Variants in ATRNL1 observed in about 807,000 individuals in gnomAD.
ATRNL1 encodes attractin like 1.
ATRNL1 carries 95 observed loss-of-function variants against 182.7 expected under a neutral mutation model. The ratio of observed to expected loss-of-function variants is 0.52; its 90% CI spans 0.44 to 0.62. The LOEUF is 0.62. Ranked by LOEUF, ATRNL1 falls within the 20% of genes least tolerant of loss-of-function variation. ATRNL1 has a pLI of 0.00. For missense variants in ATRNL1, 1,471 were observed against 1,679.5 expected, an observed-to-expected ratio of 0.88 and a Z score of 2.17; for synonymous variants, 576 against 568.3, an observed-to-expected ratio of 1.01 and a Z score of -0.19.
At chr10:115,173,820 A>G (rs1270233109) in intron 8 of ATRNL1, among the ~76,000 whole-genome samples, 3 of 147,674 alleles carry the variant, frequency 2.0e-5, no homozygotes, top group African/African-American at 5.0e-5. Flanking sequence ...CTTTATTGTT[A>G]TTATTGTTTA....
intron 26 of ATRNL1, among the ~76,000 whole-genome samples, chr10:115,674,770 A>G (rs917150231): frequency 1.3e-5 from 2 of 152,080 alleles, no homozygotes; most frequent in African/African-American, 2.4e-5. Flanking sequence ...ACCACACCAC[A>G]TCTCACTTTT....
At position 115,725,702 on chromosome 10, in the gene ATRNL1, A is replaced by G. The variant is rs192470361; in HGVS notation, c.3796-1546A>G. Among the ~76,000 whole-genome samples the G allele has an allele frequency of 3.3e-5, 5 of 151,508 alleles. No homozygotes were observed. In the East Asian group the frequency reaches 9.8e-4, roughly 30 times the overall value. Reference sequence around the variant, plus strand: ...GCATGTTGGTGTGTGTGTTTTTACCAAAGACGAAGAACCTGGTGTCTTCTG... The same window carrying G: ...GCATGTTGGTGTGTGTGTTTTTACCGAAGACGAAGAACCTGGTGTCTTCTG... On this transcript the variant is annotated intron_variant, in intron 26 of 28. Coordinates refer to ENST00000355044, the MANE Select transcript of ATRNL1 (RefSeq NM_207303.4).
chr10:115,744,826 T>C (rs1555068728), intron 27 of ATRNL1, among the ~76,000 whole-genome samples: 1 of 152,176 alleles, frequency 6.6e-6, no homozygotes, highest in Non-Finnish European at 1.5e-5. Context: ...GAGGGCAATA[T>C]AGTTATAACA....
At chr10:115,843,555 C>G (rs1199892390) in intron 27 of ATRNL1, among the ~76,000 whole-genome samples, 1 of 151,996 alleles carries the variant, frequency 6.6e-6, no homozygotes, top group Non-Finnish European at 1.5e-5. Context: ...ATGCCTTAGA[C>G]AGTAGGAAGA....
At chr10:115,562,455 G>A (rs879995353) in intron 26 of ATRNL1, among the ~76,000 whole-genome samples, 3 of 152,104 alleles carry the variant, frequency 2.0e-5, no homozygotes, top group South Asian at 2.1e-4. Flanking sequence ...TGCTCTAAAT[G>A]GGTGATTTAC....
intron 19 of ATRNL1, among the ~76,000 whole-genome samples, chr10:115,356,886 G>A (rs1420368314): frequency 6.6e-6 from 1 of 151,794 alleles, no homozygotes; most frequent in African/African-American, 2.4e-5. Context: ...TTCTTTTCAG[G>A]AACAAGTGGA....
chr10:115,198,627 T>A (rs1003024453), intron 8 of ATRNL1, among the ~76,000 whole-genome samples: 1 of 152,166 alleles, frequency 6.6e-6, no homozygotes, highest in African/African-American at 2.4e-5. Context: ...TCTAGTAGTT[T>A]TACCATTTCG....
chr10:115,542,023 A>T (rs1852387245), intron 25 of ATRNL1, among the ~76,000 whole-genome samples: 1 of 152,172 alleles, frequency 6.6e-6, no homozygotes, highest in Non-Finnish European at 1.5e-5. Flanking sequence ...AAAAACATTT[A>T]ATGTAGGAAG....
intron 27 of ATRNL1, among the ~76,000 whole-genome samples, chr10:115,754,440 C>T (rs3095133): frequency 0.95 from 144,599 of 152,224 alleles, 69,101 homozygotes; most frequent in East Asian, 1. Flanking sequence ...ATCCTTTCCC[C>T]ACTTCTTGTT....
At chr10:115,289,865 G>C (rs1212133214) in intron 15 of ATRNL1, among the ~76,000 whole-genome samples, 1 of 152,034 alleles carries the variant, frequency 6.6e-6, no homozygotes, top group Non-Finnish European at 1.5e-5. Context: ...TGGCTATTAG[G>C]GCTCTTTTTT....
chr10:115,196,165 CTGAATGAA>C lies in ATRNL1; in HGVS notation c.1349-19514_1349-19507del, dbSNP rs148624774. ...TTTAGAGACAGGCAAAACCCTGTGCCTGAATGAATGAATGAATGAATGAATAAATATCC... is the reference window on the plus strand; with the variant it reads ...TTTAGAGACAGGCAAAACCCTGTGCCTGAATGAATGAATGAATAAATATCC... On this transcript the variant is annotated intron_variant, in intron 8 of 28. Coordinates refer to ENST00000355044, the MANE Select transcript of ATRNL1 (RefSeq NM_207303.4). Among the ~76,000 whole-genome samples the C allele has an allele frequency of 8.5e-3, 1,297 of 151,846 alleles. 17 individuals carry two copies. Among genetic ancestry groups the C allele is most frequent in the African/African-American group, 0.028 (1,152 of 41,320 alleles).
intron 15 of ATRNL1, among the ~76,000 whole-genome samples, chr10:115,287,178 G>A (rs1306857543): frequency 6.6e-6 from 1 of 151,906 alleles, no homozygotes; most frequent in Non-Finnish European, 1.5e-5. Flanking sequence ...ATAAAATCTG[G>A]ACATATGCTT....
chr10:115,214,041 TACACACACACAC>T (rs149167399), intron 8 of ATRNL1, among the ~76,000 whole-genome samples: 1 of 147,088 alleles, frequency 6.8e-6, no homozygotes, highest in South Asian at 2.2e-4. Context: ...TACAAATATG[TACACACACACAC>T]ACACACACAC....
Position 115,093,669 on chromosome 10 carries a change from T to G in ATRNL1, c.-82T>G. 7.1e-7 allele frequency: 1 copy of G among 1,401,920 alleles called. No homozygotes were observed. Among genetic ancestry groups the G allele is most frequent in the Non-Finnish European group, 9.6e-7 (1 of 1,045,934 alleles). The allele number at this position is 1,401,920 out of a possible 1,614,324, so 86.8% of individuals were successfully genotyped here. A position where few individuals can be genotyped will look rare whatever the true frequency, so the allele number is the denominator to read the frequency against. ...GGAGGAGAAGCGGCGGCGGAGAGGT[T>G]TTCTGCGGCCGGAATTCCCTTCAAC... On this transcript the variant is annotated 5_prime_UTR_variant, in exon 1 of 29. Coordinates refer to ENST00000355044, the MANE Select transcript of ATRNL1 (RefSeq NM_207303.4). This position sits in a 1 kb window ranked among gnomAD's most constrained non-coding sequence, Gnocchi z 6.1.
At chr10:115,757,300 T>A (rs1948615805) in intron 27 of ATRNL1, among the ~76,000 whole-genome samples, 8 of 152,180 alleles carry the variant, frequency 5.3e-5, no homozygotes, top group Admixed American at 5.2e-4. Flanking sequence ...CTGGTACCAG[T>A]TGTTTCTTTC....
rs1554866121 is a variant in ATRNL1, at chr10:115,106,879, A to T, written c.293+12836A>T. ...ACTTGGTAATTTATAATGAATAGAG[A>T]TATATTGGCTCATGATTCTGGAGGC... On this transcript the variant is annotated intron_variant, in intron 1 of 28. Transcript: ENST00000355044. Among the ~76,000 whole-genome samples the T allele has an allele frequency of 3.9e-5, 6 of 152,226 alleles. No homozygotes were observed. In the South Asian group the frequency reaches 1.2e-3, roughly 32 times the overall value.
chr10:115,461,572 A>G (rs1434419070), intron 21 of ATRNL1, among the ~76,000 whole-genome samples: 1 of 152,130 alleles, frequency 6.6e-6, no homozygotes, highest in Admixed American at 6.5e-5. Context: ...TTACAGCTAC[A>G]GAATTCTAAC....
intron 19 of ATRNL1, among the ~76,000 whole-genome samples, chr10:115,361,779 T>C (rs114435110): frequency 0.013 from 1,955 of 152,154 alleles, 36 homozygotes; most frequent in African/African-American, 0.044. Flanking sequence ...TATAGCACTC[T>C]TGGCCCTTTG....
chr10:115,906,926 T>TGAATATCCCTTATCAAGGAATTCAAA (rs370977372), intron 28 of ATRNL1, among the ~76,000 whole-genome samples: 20,813 of 152,252 alleles, frequency 0.14, 4,390 homozygotes, highest in African/African-American at 0.45. Context: ...TGGTACAGGT[T>TGAATATCCCTTATCAAGGAATTCAAA]ATCCGAAATG....
Sources: allele counts gnomAD v4.1 joint callset (sites outside exome capture counted in the v4.1 genomes callset), GRCh38; gene constraint gnomAD v4.1.1; non-coding constraint Gnocchi (gnomAD v3.1); transcripts MANE v1.5; gene names NCBI Gene and HGNC (gene_info 2026-07-23, HGNC 2026-07-21).